ALK: variants seen among roughly 807,000 people sequenced by gnomAD.
The protein encoded by ALK is ALK receptor tyrosine kinase.
A neutral mutation model predicts 163.1 loss-of-function variants in ALK; 74 were observed. The observed-to-expected ratio is 0.45, with a 90% CI of 0.38 to 0.55. The LOEUF is 0.55. ALK is among the 20% of genes least tolerant of loss of function. The pLI, the probability that ALK is intolerant of heterozygous loss-of-function variation, is 0.00. For synonymous variants in ALK, 960 were observed against 843.2 expected, an observed-to-expected ratio of 1.14 and a Z score of -2.40; for missense variants, 2,063 against 2,105.3, an observed-to-expected ratio of 0.98 and a Z score of 0.39.
At chr2:29,313,149 T>C (rs1231673930) in intron 8 of ALK, among the ~76,000 whole-genome samples, 5 of 152,192 alleles carry the variant, frequency 3.3e-5, no homozygotes, top group African/African-American at 4.8e-5. Flanking sequence ...CTTGTTCTTC[T>C]ACCAGTCAGC....
At chr2:29,524,023 G>T (rs976896907) in intron 4 of ALK, among the ~76,000 whole-genome samples, 13 of 152,190 alleles carry the variant, frequency 8.5e-5, no homozygotes, top group South Asian at 2.1e-4. Context: ...AGGGAGGGTT[G>T]CACATTTATT....
At chr2:29,646,475 T>A (rs1676878961) in intron 3 of ALK, among the ~76,000 whole-genome samples, 1 of 152,130 alleles carries the variant, frequency 6.6e-6, no homozygotes, top group African/African-American at 2.4e-5. Context: ...TTCCCTTTGC[T>A]CCAAACCCTC....
At chr2:29,247,207 A>G (rs1573156622) in intron 12 of ALK, among the ~76,000 whole-genome samples, 1 of 151,840 alleles carries the variant, frequency 6.6e-6, no homozygotes, top group Non-Finnish European at 1.5e-5. Flanking sequence ...GGAAACCTCC[A>G]CTGTAGTTCT....
chr2:29,907,986 C>G (rs1667594331), intron 1 of ALK, among the ~76,000 whole-genome samples: 1 of 152,124 alleles, frequency 6.6e-6, no homozygotes, highest in Admixed American at 6.5e-5. Context: ...ATCTGGGCAT[C>G]TATTGGCCCA....
intron 9 of ALK, among the ~76,000 whole-genome samples, chr2:29,285,126 T>C (rs891481861): frequency 2.0e-5 from 3 of 152,226 alleles, no homozygotes; most frequent in African/African-American, 7.2e-5. Flanking sequence ...CCAGGTTCTT[T>C]CTTCACGCTT....
chr2:29,858,715 C>T (rs1424886042), intron 1 of ALK, among the ~76,000 whole-genome samples: 1 of 151,702 alleles, frequency 6.6e-6, no homozygotes, highest in Non-Finnish European at 1.5e-5. Flanking sequence ...TGCACTCCAG[C>T]CTGGGCGACA....
intron 4 of ALK, among the ~76,000 whole-genome samples, chr2:29,395,174 T>C (rs1669272927): frequency 6.6e-6 from 1 of 152,198 alleles, no homozygotes; most frequent in Non-Finnish European, 1.5e-5. Context: ...TTGGTTCAAA[T>C]GCGAATGCAA....
intron 2 of ALK, among the ~76,000 whole-genome samples, chr2:29,701,875 G>A (rs764815647): frequency 1.3e-5 from 2 of 152,180 alleles, no homozygotes; most frequent in Non-Finnish European, 2.9e-5. Context: ...AAGGGGCTAT[G>A]TGGTCTTTTA....
chr2:29,732,234 T>C (rs1163030627), intron 1 of ALK, among the ~76,000 whole-genome samples: 3 of 152,212 alleles, frequency 2.0e-5, no homozygotes, highest in African/African-American at 4.8e-5. Context: ...ATCATGTAAT[T>C]TGGGGTCGCT....
chr2:29,204,018 T>C (rs949704298), intron 26 of ALK, among the ~76,000 whole-genome samples: 2 of 152,140 alleles, frequency 1.3e-5, no homozygotes, highest in Non-Finnish European at 2.9e-5. Context: ...TCCATCTCTT[T>C]TTAGGTTTAT....
intron 3 of ALK, among the ~76,000 whole-genome samples, chr2:29,558,354 G>A (rs1410262028): frequency 6.6e-6 from 1 of 152,124 alleles, no homozygotes; most frequent in Middle Eastern, 3.2e-3. Context: ...CCTCTCCTTG[G>A]AGCTTTGTGG....
intron 1 of ALK, among the ~76,000 whole-genome samples, chr2:29,886,276 G>C (rs906852884): frequency 4.6e-5 from 7 of 152,174 alleles, no homozygotes; most frequent in African/African-American, 1.7e-4. Context: ...GCTATTAGTG[G>C]TTAATCATAA....
At chr2:29,612,331 T>C (rs893755181) in intron 3 of ALK, among the ~76,000 whole-genome samples, 1 of 152,230 alleles carries the variant, frequency 6.6e-6, no homozygotes, top group African/African-American at 2.4e-5. Flanking sequence ...GTGTTGTTTT[T>C]AAAGTCTTTA....
At chr2:29,455,814 C>T (rs1181791953) in intron 4 of ALK, among the ~76,000 whole-genome samples, 6 of 152,162 alleles carry the variant, frequency 3.9e-5, no homozygotes, top group Non-Finnish European at 8.8e-5. Context: ...GCAGAGACTG[C>T]CTTTCCATCT....
intron 5 of ALK, among the ~76,000 whole-genome samples, chr2:29,370,487 C>G: frequency 6.6e-6 from 1 of 152,222 alleles, no homozygotes; most frequent in East Asian, 1.9e-4. Context: ...AGGAGATAAT[C>G]AGGGCCCTTG....
At chr2:29,887,958 T>C (rs1420737824) in intron 1 of ALK, among the ~76,000 whole-genome samples, 1 of 152,164 alleles carries the variant, frequency 6.6e-6, no homozygotes, top group Non-Finnish European at 1.5e-5. Flanking sequence ...AGGAAAACCT[T>C]TGGCAGAGAA....
At chr2:29,403,709 C>CAAAAAAAAAA (rs67270103) in intron 4 of ALK, among the ~76,000 whole-genome samples, 4 of 74,184 alleles carry the variant, frequency 5.4e-5, no homozygotes, top group Non-Finnish European at 6.7e-5. Flanking sequence ...CAGGTCTCTA[C>CAAAAAAAAAA]AAAAAAAAAA....
At chr2:29,231,976 C>A (rs1210271702) in intron 15 of ALK, among the ~76,000 whole-genome samples, 1 of 152,200 alleles carries the variant, frequency 6.6e-6, no homozygotes. Flanking sequence ...CATATCCTAA[C>A]TGGGGGGCCC....
intron 3 of ALK, among the ~76,000 whole-genome samples, chr2:29,669,924 G>A (rs1162822343): frequency 1.3e-5 from 2 of 151,884 alleles, no homozygotes; most frequent in African/African-American, 4.8e-5. Context: ...TCCCCCACAT[G>A]TTGAATTTTA....
Sources: allele counts gnomAD v4.1 joint callset (sites outside exome capture counted in the v4.1 genomes callset), GRCh38; gene constraint gnomAD v4.1.1; transcripts MANE v1.5; gene names NCBI Gene and HGNC (gene_info 2026-07-23, HGNC 2026-07-21).